SLC30A8: variants seen among roughly 807,000 people sequenced by gnomAD.
SLC30A8 encodes proton-coupled zinc antiporter SLC30A8.
Under a neutral mutation model 36.9 loss-of-function variants are expected in SLC30A8, and 27 were observed. The ratio of observed to expected loss-of-function variants is 0.73; its 90% CI spans 0.54 to 1.01. The LOEUF (loss-of-function observed/expected upper bound fraction) is 1.01. Among genes scored for constraint, SLC30A8 ranks in the 50% least tolerant of loss-of-function variants. SLC30A8 has a pLI of 0.00. For missense variants in SLC30A8, 439 were observed against 452.0 expected (o/e 0.97, Z 0.26); for synonymous variants, 164 against 172.4 (o/e 0.95, Z 0.38).
rs141730422 is a variant in SLC30A8, at chr8:117,147,043, A to T, written c.161A>T (p.His54Leu). 110 of 1,613,930 alleles carry T rather than the reference A, an allele frequency of 6.8e-5. No homozygotes were observed. Among genetic ancestry groups the T allele is most frequent in the Non-Finnish European group, 8.8e-5 (104 of 1,179,900 alleles). Residue 54 changes from histidine to leucine, a missense_variant, in exon 2 of 8, where the codon CAC (histidine) becomes CTC (leucine). Transcript: ENST00000456015. The part of the protein sequence containing the change: ...ELESGGMYHC[H>L]SGSKPTEKGA... ...GAGTCAGGAGGCATGTACCACTGCC[A>T]CAGTGGCTCCAAGCCCACAGAAAAG...
intron 1 of SLC30A8, among the ~76,000 whole-genome samples, chr8:116,953,898 A>T (rs1814090495): frequency 1.3e-5 from 2 of 152,190 alleles, no homozygotes; most frequent in African/African-American, 4.8e-5. Flanking sequence ...TAAGTAGAGG[A>T]TTCTCATATT....
intron 2 of SLC30A8, among the ~76,000 whole-genome samples, chr8:117,115,121 G>A (rs1181615191): frequency 1.3e-5 from 2 of 151,686 alleles, no homozygotes; most frequent in Non-Finnish European, 2.9e-5. Flanking sequence ...TTTATTTTTT[G>A]TAGAGACAGG....
Position 117,175,546 on chromosome 8 carries a change from C to CTAGT in SLC30A8, c.*2868_*2871dup, listed in dbSNP as rs1823637514. ...CCTTTATTAGCTCTGTGACCTCGAG[C>CTAGT]TAGTTACTTAAATGCTCTGATCCTC... is the stretch of plus-strand genomic sequence containing the variant. On this transcript the variant is annotated 3_prime_UTR_variant, in exon 8 of 8. Coordinates refer to ENST00000456015, the MANE Select transcript of SLC30A8 (RefSeq NM_173851.3). 1 of 152,068 alleles carries CTAGT rather than the reference C, an allele frequency of 6.6e-6. No individual in the cohort carries two copies. The highest frequency in any genetic ancestry group is 2.4e-5 in the African/African-American group (1 of 41,430). The allele number at this position is 152,068 out of a possible 1,614,324, so 9.4% of individuals were successfully genotyped here.
intron 2 of SLC30A8, among the ~76,000 whole-genome samples, chr8:117,054,090 G>A (rs998332327): frequency 7.2e-6 from 1 of 138,000 alleles, no homozygotes; most frequent in Non-Finnish European, 1.6e-5. Context: ...TAAATGTACT[G>A]CAAAAATCTT....
At chr8:116,993,368 G>A (rs570324742) in intron 1 of SLC30A8, among the ~76,000 whole-genome samples, 1 of 152,146 alleles carries the variant, frequency 6.6e-6, no homozygotes, top group South Asian at 2.1e-4. Context: ...AACTAGCAAA[G>A]CCTTGACAGA....
chr8:116,956,916 A>G (rs1195889838), intron 1 of SLC30A8, among the ~76,000 whole-genome samples: 4 of 152,236 alleles, frequency 2.6e-5, no homozygotes, highest in Non-Finnish European at 4.4e-5. Context: ...AAGCATACCA[A>G]AAATGACTAT....
chr8:117,160,446 T>TGTGTGTGC (rs150458118), intron 4 of SLC30A8, among the ~76,000 whole-genome samples: 4,594 of 144,038 alleles, frequency 0.032, 123 homozygotes, highest in African/African-American at 0.069. Context: ...CGCGCACATG[T>TGTGTGTGC]GCGCGCGGTG....
At chr8:116,968,644 A>G (rs576332556) in intron 1 of SLC30A8, among the ~76,000 whole-genome samples, 66 of 130,630 alleles carry the variant, frequency 5.1e-4, no homozygotes, top group African/African-American at 1.6e-3. Context: ...GTCTCATGAC[A>G]ATGAATATAT....
At chr8:117,085,198 C>T (rs1366903736) in intron 2 of SLC30A8, among the ~76,000 whole-genome samples, 1 of 152,086 alleles carries the variant, frequency 6.6e-6, no homozygotes, top group South Asian at 2.1e-4. Context: ...ACATACTACC[C>T]TCTATTATTA....
chr8:116,964,558 C>A (rs1039707976), intron 1 of SLC30A8, among the ~76,000 whole-genome samples: 1 of 152,216 alleles, frequency 6.6e-6, no homozygotes. Flanking sequence ...AGTGTTTATG[C>A]AGCACCTGCA....
At chr8:117,006,967 T>TG (rs1242497204) in intron 1 of SLC30A8, 18 of 93,988 alleles carry the variant, frequency 1.9e-4, no homozygotes, top group Admixed American at 5.8e-4. Context: ...TTTTTTTTTT[T>TG]TTTTTTTTTT....
chr8:117,102,629 T>G (rs1819776465), intron 2 of SLC30A8, among the ~76,000 whole-genome samples: 1 of 152,154 alleles, frequency 6.6e-6, no homozygotes, highest in Non-Finnish European at 1.5e-5. Flanking sequence ...TAGGGAAGAC[T>G]TCTTCTTTGC....
At chr8:117,114,870 G>A (rs542548158) in intron 2 of SLC30A8, among the ~76,000 whole-genome samples, 71 of 151,864 alleles carry the variant, frequency 4.7e-4, no homozygotes, top group Admixed American at 1.1e-3. Context: ...TAAGTTAATT[G>A]CCTTCTTTGT....
At chr8:117,036,221 G>A (rs1817210104) in intron 1 of SLC30A8, among the ~76,000 whole-genome samples, 1 of 151,978 alleles carries the variant, frequency 6.6e-6, no homozygotes, top group African/African-American at 2.4e-5. Context: ...CTCCATCTGA[G>A]AACACCTCAG....
At chr8:117,128,997 A>G (rs187576609) in intron 2 of SLC30A8, among the ~76,000 whole-genome samples, 216 of 152,164 alleles carry the variant, frequency 1.4e-3, no homozygotes, top group Non-Finnish European at 1.9e-3. Context: ...TTCAGCAGTA[A>G]CGTTAGTTAA....
At position 116,999,593 on chromosome 8, in the gene SLC30A8, A is replaced by G. The variant is rs78393976; in HGVS notation, c.-265-39626A>G. Among the ~76,000 whole-genome samples, 983 of 152,364 alleles carry G rather than the reference A, an allele frequency of 6.5e-3. 14 individuals carry two copies. The highest frequency in any genetic ancestry group is 0.023 in the African/African-American group (944 of 41,582). On this transcript the variant is annotated intron_variant, in intron 1 of 10. Transcript: ENST00000427715. ...AGCATTAAGAAAAACCAATGGAATC[A>G]GCTATTGGAACATAAATGTATTCCA...
intron 1 of SLC30A8, among the ~76,000 whole-genome samples, chr8:117,022,764 C>T (rs1375556558): frequency 1.3e-5 from 2 of 152,058 alleles, no homozygotes; most frequent in Non-Finnish European, 2.9e-5. Flanking sequence ...GACCTAAAAC[C>T]ATAAAAACCC....
chr8:117,169,598 T>C (rs1415813187), intron 6 of SLC30A8, among the ~76,000 whole-genome samples: 2 of 152,120 alleles, frequency 1.3e-5, no homozygotes, highest in African/African-American at 4.8e-5. Context: ...TGAGACTGGA[T>C]AATTTATAAA....
intron 2 of SLC30A8, among the ~76,000 whole-genome samples, chr8:117,077,221 C>T (rs370530275): frequency 1.9e-4 from 29 of 152,190 alleles, no homozygotes; most frequent in Middle Eastern, 3.4e-3. Context: ...TCAGAATCCC[C>T]GGAGGAGCTT....
Sources: allele counts gnomAD v4.1 joint callset (sites outside exome capture counted in the v4.1 genomes callset), GRCh38; gene constraint gnomAD v4.1.1; transcripts MANE v1.5; gene names NCBI Gene and HGNC (gene_info 2026-07-23, HGNC 2026-07-21).